The following TBC1D5 variants were observed in gnomAD, a reference collection of about 807,000 sequenced individuals.
TBC1D5 encodes the protein TBC1 domain family, member 5.
Under a neutral mutation model 100.3 loss-of-function variants are expected in TBC1D5, and 75 were observed. The ratio of observed to expected loss-of-function variants is 0.75; its 90% CI spans 0.62 to 0.91. The LOEUF (loss-of-function observed/expected upper bound fraction) is 0.91, where lower values mean the gene tolerates loss of function less well. Ranked by LOEUF, TBC1D5 falls within the 40% of genes least tolerant of loss-of-function variation. The pLI, the probability that TBC1D5 is intolerant of heterozygous loss-of-function variation, is 0.00. For synonymous variants in TBC1D5, 323 were observed against 325.6 expected (o/e 0.99, Z 0.09); for missense variants, 910 against 942.4 (o/e 0.97, Z 0.45).
chr3:17,704,412 G>A (rs1356143602), intron 1 of TBC1D5, among the ~76,000 whole-genome samples: 1 of 151,296 alleles, frequency 6.6e-6, no homozygotes, highest in African/African-American at 2.4e-5. Flanking sequence ...TTGTCATCCT[G>A]GCCCGTTCTC....
intron 2 of TBC1D5, among the ~76,000 whole-genome samples, chr3:17,617,042 T>C (rs1452980836): frequency 2.6e-5 from 4 of 152,234 alleles, no homozygotes; most frequent in African/African-American, 4.8e-5. Flanking sequence ...TTTCTTTCCA[T>C]GTTTACTGCT....
chr3:17,231,299 G>A (rs2075396811), intron 17 of TBC1D5, among the ~76,000 whole-genome samples: 1 of 152,032 alleles, frequency 6.6e-6, no homozygotes, highest in Non-Finnish European at 1.5e-5. Flanking sequence ...GATAAACAAA[G>A]TCTGCTGTGG....
At chr3:17,440,049 G>C (rs2094618197) in intron 3 of TBC1D5, among the ~76,000 whole-genome samples, 1 of 152,276 alleles carries the variant, frequency 6.6e-6, no homozygotes, top group South Asian at 2.1e-4. Flanking sequence ...CAGTATTCAA[G>C]TGCTGACGTT....
chr3:17,371,068 T>TACACACACACAC (rs111820681), intron 13 of TBC1D5, among the ~76,000 whole-genome samples: 2 of 146,400 alleles, frequency 1.4e-5, no homozygotes, highest in Non-Finnish European at 1.5e-5. Context: ...ACTGAAAAAA[T>TACACACACACAC]ACACACACAC....
intron 5 of TBC1D5, among the ~76,000 whole-genome samples, chr3:17,405,599 G>A (rs1199953510): frequency 6.6e-6 from 1 of 151,968 alleles, no homozygotes; most frequent in African/African-American, 2.4e-5. Flanking sequence ...GGGAATGGGG[G>A]TGGCGCACAA....
rs140442444 is a variant in TBC1D5 at position 17,593,100 on chromosome 3, T to C, written c.-36+30749A>G. On this transcript the variant is annotated intron_variant, in intron 2 of 21. Transcript: ENST00000253692. ...CATGAGGAAGTAGCTCAAATGCCCA[T>C]GTTCTCCGATCCTGCCACCCTGCCT... is the stretch of plus-strand genomic sequence containing the variant. Among the ~76,000 whole-genome samples, 1,178 of 152,272 alleles carry C rather than the reference T, an allele frequency of 7.7e-3. 16 individuals carry two copies. The highest frequency in any genetic ancestry group is 0.013 in the Non-Finnish European group (907 of 68,016).
At chr3:17,515,614 A>T (rs78235338) in intron 2 of TBC1D5, among the ~76,000 whole-genome samples, 10,486 of 152,216 alleles carry the variant, frequency 0.069, 711 homozygotes, top group African/African-American at 0.18. Context: ...AAGTGGCCTA[A>T]CAAAAATTAA....
At chr3:17,689,611 A>T (rs2070822076) in intron 1 of TBC1D5, among the ~76,000 whole-genome samples, 1 of 152,160 alleles carries the variant, frequency 6.6e-6, no homozygotes, top group Non-Finnish European at 1.5e-5. Flanking sequence ...TATAATTCAG[A>T]CAATGTATAC....
At chr3:17,169,490 A>T (rs1022781385) in intron 19 of TBC1D5, among the ~76,000 whole-genome samples, 1 of 152,254 alleles carries the variant, frequency 6.6e-6, no homozygotes, top group Non-Finnish European at 1.5e-5. Context: ...AACCAGGGTG[A>T]TAAGTCTTCT....
At chr3:17,177,704 G>C (rs548780945) in intron 19 of TBC1D5, among the ~76,000 whole-genome samples, 4 of 152,292 alleles carry the variant, frequency 2.6e-5, no homozygotes, top group Admixed American at 2.6e-4. Context: ...CAGACCTACT[G>C]CATCGGAATC....
intron 1 of TBC1D5, among the ~76,000 whole-genome samples, chr3:17,704,377 G>A (rs1466237504): frequency 7.9e-5 from 12 of 151,850 alleles, no homozygotes; most frequent in African/African-American, 2.9e-4. Context: ...CACCCTTCCC[G>A]CCTTTCTATT....
intron 2 of TBC1D5, among the ~76,000 whole-genome samples, chr3:17,568,398 T>A (rs1404988561): frequency 2.0e-5 from 3 of 151,424 alleles, no homozygotes; most frequent in Non-Finnish European, 4.4e-5. Flanking sequence ...TGGAAACTGC[T>A]TTTGTTTATA....
chr3:17,562,856 T>C (rs2096568531), intron 2 of TBC1D5, among the ~76,000 whole-genome samples: 1 of 152,224 alleles, frequency 6.6e-6, no homozygotes, highest in Admixed American at 6.5e-5. Context: ...AGACAGAAGA[T>C]GGCAGGAAGA....
chr3:17,230,251 G>C (rs942743843), intron 17 of TBC1D5, among the ~76,000 whole-genome samples: 1 of 152,022 alleles, frequency 6.6e-6, no homozygotes, highest in Non-Finnish European at 1.5e-5. Context: ...CTACCAACTT[G>C]TTGCTTTTCA....
chr3:17,541,989 TA>T (rs1404428217), intron 2 of TBC1D5, among the ~76,000 whole-genome samples: 1 of 152,134 alleles, frequency 6.6e-6, no homozygotes, highest in Non-Finnish European at 1.5e-5. Flanking sequence ...AAATTAACAA[TA>T]AAATACATCA....
chr3:17,240,551 T>G (rs76876789), intron 16 of TBC1D5, among the ~76,000 whole-genome samples: 3,802 of 152,212 alleles, frequency 0.025, 141 homozygotes, highest in East Asian at 0.18. Flanking sequence ...AATATATGTT[T>G]ATTGAGAAAA....
intron 13 of TBC1D5, among the ~76,000 whole-genome samples, chr3:17,354,876 C>T (rs2091049594): frequency 6.6e-6 from 1 of 151,958 alleles, no homozygotes; most frequent in South Asian, 2.1e-4. Context: ...TCAATATAGG[C>T]AAGCAGAGAA....
chr3:17,580,688 A>G (rs758774563), intron 2 of TBC1D5, among the ~76,000 whole-genome samples: 1 of 152,036 alleles, frequency 6.6e-6, no homozygotes, highest in Non-Finnish European at 1.5e-5. Context: ...TTCCCCCTTA[A>G]GCTGCCACCT....
intron 13 of TBC1D5, among the ~76,000 whole-genome samples, chr3:17,308,705 G>A (rs971734106): frequency 2.0e-5 from 3 of 152,096 alleles, no homozygotes; most frequent in Non-Finnish European, 4.4e-5. Context: ...GAAGGATATA[G>A]TCATACTTAT....
Sources: allele counts gnomAD v4.1 joint callset (sites outside exome capture counted in the v4.1 genomes callset), GRCh38; gene constraint gnomAD v4.1.1; transcripts MANE v1.5; gene names NCBI Gene and HGNC (gene_info 2026-07-23, HGNC 2026-07-21).